Variants in RERE observed in about 807,000 individuals in gnomAD.
RERE encodes the protein arginine-glutamic acid dipeptide repeats, also known as arginine-glutamic acid dipeptide repeats protein.
Under a neutral mutation model 146.1 loss-of-function variants are expected in RERE, and 40 were observed. The ratio of observed to expected loss-of-function variants is 0.27; its 90% CI spans 0.21 to 0.36. The LOEUF (loss-of-function observed/expected upper bound fraction) is 0.36. RERE is among the 10% of genes least tolerant of loss of function. RERE has a pLI of 1.00. For missense variants in RERE, 1,933 were observed against 2,138.7 expected, an observed-to-expected ratio of 0.90 and a Z score of 1.90; for synonymous variants, 1,003 against 866.0, an observed-to-expected ratio of 1.16 and a Z score of -2.78.
At chr1:8,446,994 G>A (rs528960133) in intron 11 of RERE, among the ~76,000 whole-genome samples, 5 of 151,630 alleles carry the variant, frequency 3.3e-5, no homozygotes, top group African/African-American at 9.7e-5. Context: ...ATTTCTTTTC[G>A]TTCTTTTTTC....
chr1:8,775,342 C>T (rs1427864958), intron 1 of RERE, among the ~76,000 whole-genome samples: 6 of 152,134 alleles, frequency 3.9e-5, no homozygotes, highest in Non-Finnish European at 7.3e-5. Context: ...GAGGCCGAAG[C>T]AGGAAGACTT....
At chr1:8,381,613 T>A (rs1309923983) in intron 12 of RERE, among the ~76,000 whole-genome samples, 4 of 152,300 alleles carry the variant, frequency 2.6e-5, no homozygotes, top group Non-Finnish European at 4.4e-5. Context: ...TATCTGTACA[T>A]TAAAGTAAAA....
At chr1:8,461,495 T>A (rs1477550440) in intron 11 of RERE, among the ~76,000 whole-genome samples, 1 of 152,188 alleles carries the variant, frequency 6.6e-6, no homozygotes, top group Non-Finnish European at 1.5e-5. Flanking sequence ...GACCCAGGTG[T>A]TGCTCACAGA....
At chr1:8,803,074 AAATTT>A (rs1191890041) in intron 1 of RERE, among the ~76,000 whole-genome samples, 1 of 152,250 alleles carries the variant, frequency 6.6e-6, no homozygotes, top group Non-Finnish European at 1.5e-5. Flanking sequence ...ATTTTAAAAT[AAATTT>A]ATTTATGACA....
intron 1 of RERE, among the ~76,000 whole-genome samples, chr1:8,691,853 T>C (rs1639214177): frequency 6.6e-6 from 1 of 152,180 alleles, no homozygotes; most frequent in South Asian, 2.1e-4. Context: ...ACGCTCTAAC[T>C]TAGCTTACCC....
At chr1:8,570,842 C>T (rs1472973988) in intron 4 of RERE, among the ~76,000 whole-genome samples, 1 of 152,154 alleles carries the variant, frequency 6.6e-6, no homozygotes, top group Non-Finnish European at 1.5e-5. Context: ...TTTTAAGGCA[C>T]AAATTCATTT....
chr1:8,641,065 AG>A (rs1345149134), intron 2 of RERE, among the ~76,000 whole-genome samples: 1 of 152,228 alleles, frequency 6.6e-6, no homozygotes, highest in African/African-American at 2.4e-5. Context: ...AATTTTGGAA[AG>A]TCTGGTTTTC....
intron 1 of RERE, among the ~76,000 whole-genome samples, chr1:8,690,249 C>G (rs1639181325): frequency 6.6e-6 from 1 of 152,158 alleles, no homozygotes; most frequent in African/African-American, 2.4e-5. Context: ...TGTGTCCTTA[C>G]ATGTCAGAGT....
At chr1:8,425,620 T>C (rs1301845064) in intron 11 of RERE, 5 of 151,936 alleles carry the variant, frequency 3.3e-5, no homozygotes, top group Non-Finnish European at 7.3e-5. Flanking sequence ...CAATCTGGAG[T>C]GAGCCAGGCT....
chr1:8,769,442 T>C (rs574791474), intron 1 of RERE, among the ~76,000 whole-genome samples: 5 of 152,278 alleles, frequency 3.3e-5, no homozygotes, highest in Non-Finnish European at 5.9e-5. Flanking sequence ...ATTTTTAAAG[T>C]TGTAAAACTC....
Position 8,360,717 on chromosome 1 carries a change from G to A in RERE, c.2790C>T (p.Pro930=), listed in dbSNP as rs1336411405. Residue 930 remains proline, a synonymous_variant, in exon 18 of 23, where the codon CCC becomes CCT. Transcript: ENST00000400908. ...PAPLAMPHIK[P]PPTTPIPQLP... ...GCTGGGGGATGGGAGTGGTAGGCGG[G>A]GGCTTGATGTGGGGCATGGCCAAGG... 6.3e-7 allele frequency: 1 copy of A among 1,585,588 alleles called. No individual in the cohort carries two copies. The highest frequency in any genetic ancestry group is 8.6e-7 in the Non-Finnish European group (1 of 1,167,286).
intron 1 of RERE, among the ~76,000 whole-genome samples, chr1:8,779,318 G>C (rs1187196334): frequency 2.0e-5 from 3 of 149,448 alleles, no homozygotes; most frequent in African/African-American, 7.4e-5. Context: ...ACGAGGTCAG[G>C]AGTTCGAGAC....
At chr1:8,405,867 C>A (rs896528250) in intron 12 of RERE, among the ~76,000 whole-genome samples, 4 of 152,116 alleles carry the variant, frequency 2.6e-5, no homozygotes, top group Non-Finnish European at 5.9e-5. Context: ...GATCTCCTGA[C>A]CTCATGATCT....
At chr1:8,727,498 G>GTTGT (rs762922317) in intron 1 of RERE, among the ~76,000 whole-genome samples, 8 of 151,220 alleles carry the variant, frequency 5.3e-5, no homozygotes, top group African/African-American at 1.9e-4. Flanking sequence ...TTATTTTTTT[G>GTTGT]TTGTTTGTTT....
At chr1:8,736,081 T>C (rs1330514716) in intron 1 of RERE, among the ~76,000 whole-genome samples, 2 of 152,242 alleles carry the variant, frequency 1.3e-5, no homozygotes, top group East Asian at 1.9e-4. Flanking sequence ...ATGGTAAATG[T>C]ATACGCTATA....
intron 12 of RERE, among the ~76,000 whole-genome samples, chr1:8,382,554 C>CT (rs776106052): frequency 5.9e-5 from 9 of 152,192 alleles, no homozygotes; most frequent in Non-Finnish European, 1.3e-4. Flanking sequence ...AATGAAGTGA[C>CT]TATTAATATT....
intron 1 of RERE, among the ~76,000 whole-genome samples, chr1:8,662,010 G>C (rs998610177): frequency 6.6e-6 from 1 of 152,164 alleles, no homozygotes; most frequent in African/African-American, 2.4e-5. Context: ...CTCCTTTTAA[G>C]TATATTCCTC....
intron 12 of RERE, among the ~76,000 whole-genome samples, chr1:8,411,135 T>C (rs776075818): frequency 2.0e-5 from 3 of 152,118 alleles, no homozygotes; most frequent in Non-Finnish European, 2.9e-5. Flanking sequence ...TAAGATATAT[T>C]GGACAAATGG....
intron 1 of RERE, among the ~76,000 whole-genome samples, chr1:8,794,888 C>A (rs1641437786): frequency 6.6e-6 from 1 of 152,152 alleles, no homozygotes. Flanking sequence ...TCATGTCACA[C>A]TGCAGCCTCA....
Sources: gnomAD v4.1 joint callset for allele counts (sites outside exome capture counted in the v4.1 genomes callset) on GRCh38, gnomAD v4.1.1 for gene constraint, MANE v1.5 for transcripts, NCBI Gene and HGNC (gene_info 2026-07-23, HGNC 2026-07-21) for gene names.